UBE2H: variants seen among roughly 807,000 people sequenced by gnomAD.
UBE2H encodes ubiquitin-conjugating enzyme E2 H.
In UBE2H, 3 loss-of-function variants were observed where a neutral mutation model predicts 29.0. The observed-to-expected ratio is 0.10, with a 90% CI of 0.05 to 0.27. The LOEUF (loss-of-function observed/expected upper bound fraction) is 0.27. Ranked by LOEUF, UBE2H falls within the 10% of genes least tolerant of loss-of-function variation. The pLI, the probability that UBE2H is intolerant of heterozygous loss-of-function variation, is 1.00. For synonymous variants in UBE2H, 69 were observed against 82.9 expected, an observed-to-expected ratio of 0.83 and a Z score of 0.91; for missense variants, 68 against 228.2, an observed-to-expected ratio of 0.30 and a Z score of 4.52.
chr7:129,856,620 G>T (rs533032096), intron 5 of UBE2H, among the ~76,000 whole-genome samples: 1 of 152,216 alleles, frequency 6.6e-6, no homozygotes, highest in South Asian at 2.1e-4. Flanking sequence ...TAGACTCTAT[G>T]AAGCCTGAGA....
chr7:129,870,407 G>A (rs766405599), intron 3 of UBE2H, among the ~76,000 whole-genome samples: 20 of 152,200 alleles, frequency 1.3e-4, no homozygotes, highest in Non-Finnish European at 2.4e-4. Flanking sequence ...CTTGAGTATA[G>A]GAGTTCAAGA....
chr7:129,936,680 CG>C (rs1208873785), intron 1 of UBE2H, among the ~76,000 whole-genome samples: 1 of 151,334 alleles, frequency 6.6e-6, no homozygotes, highest in African/African-American at 2.4e-5. Flanking sequence ...GTTCAGGCCA[CG>C]TGCAGTGGCT....
intron 1 of UBE2H, among the ~76,000 whole-genome samples, chr7:129,919,126 C>G (rs1323007058): frequency 2.2e-5 from 3 of 135,632 alleles, no homozygotes; most frequent in Non-Finnish European, 3.2e-5. Flanking sequence ...AAAAAAGCAC[C>G]AAAAAACAAG....
intron 1 of UBE2H, 25 bp from the exon 2 acceptor site, chr7:129,880,996 A>G: frequency 6.2e-7 from 1 of 1,603,974 alleles, no homozygotes; most frequent in Non-Finnish European, 8.5e-7. Context: ...AAAGGAAATT[A>G]CACAGGCTTT....
chr7:129,868,105 T>C (rs1477353097), intron 3 of UBE2H, among the ~76,000 whole-genome samples: 1 of 152,214 alleles, frequency 6.6e-6, no homozygotes, highest in East Asian at 1.9e-4. Flanking sequence ...GTTTTCATTA[T>C]GACACCAAAT....
chr7:129,880,205 C>G (rs937118237), intron 2 of UBE2H, among the ~76,000 whole-genome samples: 8 of 151,668 alleles, frequency 5.3e-5, no homozygotes, highest in Non-Finnish European at 1.0e-4. Context: ...AAAAATAACA[C>G]AAAAAAAATA....
In UBE2H at chr7:129,858,929, T is replaced by C. The variant is rs1805753426; in HGVS notation, c.218A>G (p.Lys73Arg). The C allele has an allele frequency of 1.2e-5, 19 of 1,610,970 alleles. No homozygotes were observed. The highest frequency in any genetic ancestry group is 2.7e-5 in the African/African-American group (2 of 74,838). ...TTCATCAATGTTGGGATGGAAAATT[T>C]TATTCATGAATCCTGTAAAAAGAGA... The part of the protein sequence containing the change: ...FKSPSIGFMN[K>R]IFHPNIDEAS... The change falls in exon 4 of 7, where the codon AAA becomes AGA. Residue 73 changes from lysine (K) to arginine (R), a missense_variant. Around this residue, in one of 3 missense-constraint regions of UBE2H, gnomAD observed 40 missense variants for 174.1 expected, o/e 0.23. Coordinates refer to ENST00000355621, the MANE Select transcript of UBE2H (RefSeq NM_003344.4).
At chr7:129,948,772 CCATT>C (rs1343349268) in intron 1 of UBE2H, among the ~76,000 whole-genome samples, 1 of 152,162 alleles carries the variant, frequency 6.6e-6, no homozygotes, top group Non-Finnish European at 1.5e-5. Flanking sequence ...ATGCCGGTCC[CCATT>C]ATTATCCGAT....
chr7:129,891,578 C>T (rs765429547), intron 1 of UBE2H, among the ~76,000 whole-genome samples: 5 of 151,948 alleles, frequency 3.3e-5, no homozygotes, highest in East Asian at 1.9e-4. Flanking sequence ...CCAAGGTGGG[C>T]GGATCATGAG....
intron 1 of UBE2H, among the ~76,000 whole-genome samples, chr7:129,918,116 T>C (rs1354746300): frequency 6.6e-6 from 1 of 152,156 alleles, no homozygotes; most frequent in African/African-American, 2.4e-5. Context: ...GCAAGACAAA[T>C]GCTCCTATTA....
At chr7:129,841,913 T>A (rs1268966433) in intron 5 of UBE2H, among the ~76,000 whole-genome samples, 2 of 152,256 alleles carry the variant, frequency 1.3e-5, no homozygotes, top group African/African-American at 2.4e-5. Flanking sequence ...ACAATTTTTT[T>A]AAAAAGGGAA....
intron 1 of UBE2H, among the ~76,000 whole-genome samples, chr7:129,930,017 C>A (rs1024665014): frequency 2.3e-4 from 35 of 151,814 alleles, no homozygotes; most frequent in Admixed American, 2.0e-3. Context: ...AAAAACAAAA[C>A]AAAACAAAAA....
At chr7:129,921,282 T>C (rs1807156415) in intron 1 of UBE2H, among the ~76,000 whole-genome samples, 1 of 152,198 alleles carries the variant, frequency 6.6e-6, no homozygotes, top group Non-Finnish European at 1.5e-5. Flanking sequence ...AGACAGGGTC[T>C]CACTCTGTCA....
At chr7:129,889,932 C>T (rs1461277699) in intron 1 of UBE2H, among the ~76,000 whole-genome samples, 1 of 151,884 alleles carries the variant, frequency 6.6e-6, no homozygotes, top group African/African-American at 2.4e-5. Flanking sequence ...AAGTTAGAGA[C>T]CAGCATGGGC....
chr7:129,919,100 T>TAAA (rs1204331286), intron 1 of UBE2H, among the ~76,000 whole-genome samples: 3,792 of 71,988 alleles, frequency 0.053, 97 homozygotes, highest in Non-Finnish European at 0.072. Context: ...AAAAACAAAG[T>TAAA]AAAAAAAAAA....
intron 6 of UBE2H, among the ~76,000 whole-genome samples, chr7:129,838,621 GA>G (rs1805371865): frequency 6.6e-6 from 1 of 152,074 alleles, no homozygotes; most frequent in African/African-American, 2.4e-5. Context: ...AAAATCCAAT[GA>G]ACCCAGGTGG....
chr7:129,884,086 ACT>A (rs1806309295), intron 1 of UBE2H, among the ~76,000 whole-genome samples: 1 of 151,784 alleles, frequency 6.6e-6, no homozygotes, highest in African/African-American at 2.4e-5. Flanking sequence ...ACAGAGTGTG[ACT>A]CTGTCTCAAA....
At chr7:129,840,194 T>C (rs1003314730) in intron 5 of UBE2H, among the ~76,000 whole-genome samples, 1 of 147,624 alleles carries the variant, frequency 6.8e-6, no homozygotes, top group Non-Finnish European at 1.5e-5. Flanking sequence ...TTTAAAAAAG[T>C]TTTTTTTTTG....
intron 1 of UBE2H, among the ~76,000 whole-genome samples, chr7:129,900,751 CTTTTT>C (rs71704122): frequency 6.7e-5 from 9 of 133,832 alleles, no homozygotes; most frequent in African/African-American, 1.9e-4. Context: ...TTTCTTTTTC[CTTTTT>C]TTTTTTTTTT....
Sources: allele counts gnomAD v4.1 joint callset (sites outside exome capture counted in the v4.1 genomes callset), GRCh38; gene constraint gnomAD v4.1.1; regional missense constraint gnomAD v4.1.1; transcripts MANE v1.5; gene names NCBI Gene and HGNC (gene_info 2026-07-23, HGNC 2026-07-21).